The following CPSF2 variants were observed in gnomAD, a reference collection of about 807,000 sequenced individuals.
CPSF2 encodes the protein cleavage and polyadenylation specific factor 2.
CPSF2 carries 51 observed loss-of-function variants against 84.2 expected under a neutral mutation model. The ratio of observed to expected loss-of-function variants is 0.61; its 90% CI spans 0.48 to 0.77. The LOEUF is 0.77. Ranked by LOEUF, CPSF2 falls within the 30% of genes least tolerant of loss-of-function variation. The pLI, the probability that CPSF2 is intolerant of heterozygous loss-of-function variation, is 0.00. For missense variants in CPSF2, 641 were observed against 929.4 expected, an observed-to-expected ratio of 0.69 and a Z score of 4.03; for synonymous variants, 286 against 311.9, an observed-to-expected ratio of 0.92 and a Z score of 0.87.
chr14:92,154,093 G>A, intron 9 of CPSF2: 1 of 248,810 alleles, frequency 4.0e-6, no homozygotes, highest in East Asian at 8.3e-5. Context: ...CACAGTGCTA[G>A]GATTATAGGT....
intron 14 of CPSF2, among the ~76,000 whole-genome samples, chr14:92,160,351 T>G (rs2141484181): frequency 6.6e-6 from 1 of 152,384 alleles, no homozygotes; most frequent in Non-Finnish European, 1.5e-5. Flanking sequence ...TAGATATAAT[T>G]TAGTCTAGCA....
chr14:92,137,202 ATTATTC>A (rs981979326), intron 6 of CPSF2, among the ~76,000 whole-genome samples: 1 of 152,024 alleles, frequency 6.6e-6, no homozygotes, highest in African/African-American at 2.4e-5. Context: ...TAAAATTATT[ATTATTC>A]TTATTTATAT....
Position 92,171,837 on chromosome 14 carries a change from A to G in CPSF2, c.*10093A>G, listed in dbSNP as rs565564315. 7 of 152,222 alleles carry G rather than the reference A, an allele frequency of 4.6e-5. No homozygotes were observed. In the East Asian group the frequency reaches 7.7e-4, roughly 17 times the overall value. 9.4% of individuals were successfully genotyped at this position (152,222 alleles called of 1,614,324 possible). A position where few individuals can be genotyped will look rare whatever the true frequency, so the allele number is the denominator to read the frequency against. ...TCCACAATTGTATCTTCTCCACCCT[A>G]TATTTAAAAACTGGACTTCCAGAGT... On this transcript the variant is annotated 3_prime_UTR_variant, in exon 16 of 16. Coordinates refer to ENST00000298875, the MANE Select transcript of CPSF2 (RefSeq NM_017437.3).
rs567636739 is a variant in CPSF2 at position 92,121,993 on chromosome 14, G to A, written c.-229G>A. On this transcript the variant is annotated 5_prime_UTR_variant, in exon 1 of 16. Coordinates refer to ENST00000298875, the MANE Select transcript of CPSF2 (RefSeq NM_017437.3). The stretch of plus-strand genomic sequence containing the variant: ...CGCTAGTCTCCAGCTCCAAAATGGC[G>A]GCTGCCACTGTGGGGCTTCTGCCGG... The A allele has an allele frequency of 1.9e-4, 135 of 693,790 alleles. No individual in the cohort carries two copies. The highest frequency in any genetic ancestry group is 3.1e-4 in the Non-Finnish European group (128 of 413,856). The allele number at this position is 693,790 out of a possible 1,614,324, so 43.0% of individuals were successfully genotyped here. A position where few individuals can be genotyped will look rare whatever the true frequency, so the allele number is the denominator to read the frequency against.
In CPSF2 at chr14:92,137,185, A is replaced by T. The variant is rs547810526; in HGVS notation, c.546-1047A>T. On this transcript the variant is annotated intron_variant, in intron 6 of 15. Coordinates refer to ENST00000298875, the MANE Select transcript of CPSF2 (RefSeq NM_017437.3). ...AATTTAAATGATCTTTTTTTGTTAG[A>T]TACCATTAAAATTATTATTATTCTT... Among the ~76,000 whole-genome samples the T allele has an allele frequency of 3.3e-5, 5 of 152,216 alleles. No individual in the cohort carries two copies. The East Asian group carries it at 9.6e-4, about 29-fold the overall frequency.
chr14:92,129,832 C>T (rs796724637), intron 2 of CPSF2, among the ~76,000 whole-genome samples: 1 of 152,146 alleles, frequency 6.6e-6, no homozygotes, highest in Non-Finnish European at 1.5e-5. Context: ...ACAGTAACCT[C>T]GGACTCCTGG....
chr14:92,154,264 G>A lies in CPSF2; in HGVS notation c.1141-94G>A, dbSNP rs1210427627. On this transcript the variant is annotated intron_variant, in intron 9 of 15. Transcript: ENST00000298875. Reference sequence around the variant, plus strand: ...AAACAATCAGTTTAAAGATGATAGAGCAATTTAGAGATGTGATGTATCTCA... The same window carrying A: ...AAACAATCAGTTTAAAGATGATAGAACAATTTAGAGATGTGATGTATCTCA... 9 of 774,826 alleles carry A rather than the reference G, an allele frequency of 1.2e-5. No homozygotes were observed. The African/African-American group carries it at 1.6e-4, about 14-fold the overall frequency. 48.0% of individuals were successfully genotyped at this position (774,826 alleles called of 1,614,324 possible).
rs907170053 is a variant in CPSF2 at position 92,168,199 on chromosome 14, G to GAT, written c.*6456_*6457dup. Reference sequence around the variant, plus strand: ...GGATGCGGAAGTTGCAGTGAGCCAAGATCACGCCACTGTACTCCATCTTGG... The same window carrying GAT: ...GGATGCGGAAGTTGCAGTGAGCCAAGATATCACGCCACTGTACTCCATCTTGG... On this transcript the variant is annotated 3_prime_UTR_variant, in exon 16 of 16. Transcript: ENST00000298875. The GAT allele has an allele frequency of 2.9e-5, 4 of 135,956 alleles. No individual in the cohort carries two copies. Among genetic ancestry groups the GAT allele is most frequent in the African/African-American group, 1.1e-4 (4 of 36,132 alleles). The allele number at this position is 135,956 out of a possible 1,614,324, so 8.4% of individuals were successfully genotyped here.
Position 92,156,439 on chromosome 14 carries a change from C to T in CPSF2, c.1443-40C>T. 1.1e-5 allele frequency: 17 copies of T among 1,577,656 alleles called. 1 individual carries two copies. The highest frequency in any genetic ancestry group is 1.5e-5 in the Non-Finnish European group (17 of 1,161,104). On this transcript the variant is annotated intron_variant, in intron 11 of 15. Transcript: ENST00000298875. ...AGTCATATATGTTATGTAGTATTAGCTTGCTTTTTACTGCTTCTAATTAGA... is the reference window on the plus strand; with the variant it reads ...AGTCATATATGTTATGTAGTATTAGTTTGCTTTTTACTGCTTCTAATTAGA...
In CPSF2 at chr14:92,155,334, A is replaced by G; in HGVS notation, c.1442+11A>G. 6.2e-7 allele frequency: 1 copy of G among 1,600,538 alleles called. No individual in the cohort carries two copies. Among genetic ancestry groups the G allele is most frequent in the East Asian group, 2.2e-5 (1 of 44,760 alleles). ...TGGAGAGATTATCAAGTATGTGAGC[A>G]AAACAAACTTTTCTCTCTTACAAAT... On this transcript the variant is annotated intron_variant, in intron 11 of 15. Transcript: ENST00000298875.
At chr14:92,155,416 C>A in intron 11 of CPSF2, 93 bp downstream of exon 11, 1 of 1,050,310 alleles carries the variant, frequency 9.5e-7, no homozygotes, top group Non-Finnish European at 1.4e-6. Context: ...TTCACTTGAT[C>A]TTTCTAGTCA....
In CPSF2 at chr14:92,122,033, C is replaced by A. The variant is rs1016940504; in HGVS notation, c.-189C>A. 3.4e-6 allele frequency: 2 copies of A among 590,370 alleles called. No individual in the cohort carries two copies. Among genetic ancestry groups the A allele is most frequent in the Non-Finnish European group, 6.0e-6 (2 of 334,374 alleles). 36.6% of individuals were successfully genotyped at this position (590,370 alleles called of 1,614,324 possible). ...GCTTCTGCCGGCCGGTAGTCCCTGG[C>A]GCTGCTGACCCAGCATCGGCTTTTC... On this transcript the variant is annotated 5_prime_UTR_variant, in exon 1 of 16. Transcript: ENST00000298875.
At position 92,161,105 on chromosome 14, in the gene CPSF2, A is replaced by T; in HGVS notation, c.2122-7A>T. ...AAGTTATTCTTTCCCCTTTGACCTT[A>T]TCTAAGGTTCCTGGACATCAGTCAG... is the stretch of plus-strand genomic sequence containing the variant. On this transcript the variant is annotated splice_region_variant and splice_polypyrimidine_tract_variant and intron_variant, in intron 14 of 15. Coordinates refer to ENST00000298875, the MANE Select transcript of CPSF2 (RefSeq NM_017437.3). The T allele has an allele frequency of 6.2e-7, 1 of 1,613,284 alleles. No individual in the cohort carries two copies. Among genetic ancestry groups the T allele is most frequent in the Non-Finnish European group, 8.5e-7 (1 of 1,179,632 alleles).
At chr14:92,122,255 G>A in intron 1 of CPSF2, 127 bp downstream of exon 1, 1 of 278,512 alleles carries the variant, frequency 3.6e-6, no homozygotes, top group Non-Finnish European at 7.1e-6. Context: ...CGCTTCGGCT[G>A]CGACTGTCCC....
At chr14:92,161,555 C>T in intron 15 of CPSF2, 97 bp from the exon 16 acceptor site, 1 of 817,846 alleles carries the variant, frequency 1.2e-6, no homozygotes, top group Non-Finnish European at 1.8e-6. Flanking sequence ...ATGTCCTGAC[C>T]AATCATAAAG....
At chr14:92,145,466 T>G (rs2069132029) in intron 9 of CPSF2, among the ~76,000 whole-genome samples, 1 of 152,210 alleles carries the variant, frequency 6.6e-6, no homozygotes, top group Non-Finnish European at 1.5e-5. Flanking sequence ...GGTAGAGATA[T>G]CTGTCTGCCA....
intron 9 of CPSF2, among the ~76,000 whole-genome samples, chr14:92,144,043 C>T (rs1380918214): frequency 1.3e-5 from 2 of 152,178 alleles, no homozygotes; most frequent in African/African-American, 2.4e-5. Flanking sequence ...ATGGAGTACA[C>T]GTCTTCCTTG....
At chr14:92,154,979 A>T (rs1009384201) in intron 10 of CPSF2, 144 bp from the exon 11 acceptor site, 2 of 607,824 alleles carry the variant, frequency 3.3e-6, no homozygotes, top group Non-Finnish European at 5.7e-6. Context: ...TATGTGGTCT[A>T]TTGTTGTTGA....
At chr14:92,128,633 G>A (rs914350359) in intron 2 of CPSF2, among the ~76,000 whole-genome samples, 2 of 152,292 alleles carry the variant, frequency 1.3e-5, no homozygotes, top group African/African-American at 4.8e-5. Context: ...TGCAAATAAT[G>A]TTAACAGATC....
Sources: gnomAD v4.1 joint callset for allele counts (sites outside exome capture counted in the v4.1 genomes callset) on GRCh38, gnomAD v4.1.1 for gene constraint, MANE v1.5 for transcripts, NCBI Gene and HGNC (gene_info 2026-07-23, HGNC 2026-07-21) for gene names.